Variants in NAV3 observed in about 807,000 individuals in gnomAD.
The protein encoded by NAV3 is pore membrane and/or filament interacting like protein 1.
In NAV3, 87 loss-of-function variants were observed where a neutral mutation model predicts 244.7. The observed-to-expected ratio is 0.36, with a 90% CI of 0.30 to 0.42. NAV3 has a LOEUF of 0.42. Among genes scored for constraint, NAV3 ranks in the 20% least tolerant of loss-of-function variants. NAV3 has a pLI of 1.00. For missense variants in NAV3, 2,663 were observed against 2,893.3 expected (o/e 0.92, Z 1.83); for synonymous variants, 1,126 against 1,042.2 (o/e 1.08, Z -1.55).
At chr12:77,769,802 T>A (rs969228852) in intron 2 of NAV3, among the ~76,000 whole-genome samples, 1 of 152,188 alleles carries the variant, frequency 6.6e-6, no homozygotes, top group Non-Finnish European at 1.5e-5. Context: ...AGATCCTGTA[T>A]TGATATCTTT....
At chr12:77,891,402 T>C (rs1883923056) in intron 1 of NAV3, among the ~76,000 whole-genome samples, 1 of 151,892 alleles carries the variant, frequency 6.6e-6, no homozygotes, top group Non-Finnish European at 1.5e-5. Context: ...ATCTTTTTCA[T>C]ATTATGTTGA....
intron 24 of NAV3, among the ~76,000 whole-genome samples, chr12:78,173,276 T>C (rs2595029): frequency 0.049 from 7,403 of 151,670 alleles, 194 homozygotes; most frequent in Non-Finnish European, 0.071. Flanking sequence ...TCTTTATTGG[T>C]GAATGCAGTC....
intron 2 of NAV3, among the ~76,000 whole-genome samples, chr12:77,798,398 A>G (rs1446733465): frequency 6.6e-6 from 1 of 152,182 alleles, no homozygotes; most frequent in Non-Finnish European, 1.5e-5. Flanking sequence ...AATTTAATAT[A>G]ATTTTACACT....
chr12:77,931,259 C>T lies in NAV3; in HGVS notation c.244-9060C>T, dbSNP rs534441598. On this transcript the variant is annotated intron_variant, in intron 1 of 39. Transcript: ENST00000397909. The stretch of plus-strand genomic sequence containing the variant: ...AAAAGTCAATCATATTTTTAATTTA[C>T]AAAACTTCTACTTAATCCCTAGATC... Among the ~76,000 whole-genome samples, 15 of 152,138 alleles carry T rather than the reference C, an allele frequency of 9.9e-5. No individual in the cohort carries two copies. In the South Asian group the frequency reaches 2.9e-3, roughly 29 times the overall value.
At chr12:78,172,857 G>A (rs1958061844) in intron 24 of NAV3, among the ~76,000 whole-genome samples, 1 of 151,628 alleles carries the variant, frequency 6.6e-6, no homozygotes, top group Admixed American at 6.6e-5. Context: ...TCTTATTAAA[G>A]TGAGAAGTTA....
Position 78,050,808 on chromosome 12 carries a change from A to G in NAV3, c.2177A>G (p.Asn726Ser). 2 of 1,610,292 alleles carry G rather than the reference A, an allele frequency of 1.2e-6. No individual in the cohort carries two copies. Among genetic ancestry groups the G allele is most frequent in the African/African-American group, 1.3e-5 (1 of 74,904 alleles). ...GACAGCACTGTGACAACAGAAGTTA[A>G]TGGAAGGACCATACCCAACTTGACA... is the stretch of plus-strand genomic sequence containing the variant. Reference protein sequence around the residue: ...TFDSTVTTEVNGRTIPNLTSR... With the variant: ...TFDSTVTTEVSGRTIPNLTSR... The change falls in exon 11 of 40, where the codon AAT becomes AGT. Residue 726 changes from asparagine (N) to serine (S), a missense_variant. This residue lies in a region of NAV3 where 1,521 missense variants were observed against 1,497.0 expected (regional missense o/e 1.02). Transcript: ENST00000397909.
chr12:78,083,533 A>G (rs1953469413), intron 12 of NAV3, among the ~76,000 whole-genome samples: 2 of 152,070 alleles, frequency 1.3e-5, no homozygotes, highest in African/African-American at 4.8e-5. Flanking sequence ...TGTTATTTTA[A>G]TTTACTGTGA....
intron 2 of NAV3, among the ~76,000 whole-genome samples, chr12:77,779,811 G>A (rs944894792): frequency 6.6e-5 from 10 of 152,078 alleles, no homozygotes; most frequent in Non-Finnish European, 1.5e-4. Flanking sequence ...GAGAGGCCTG[G>A]GTTGTCAGTG....
chr12:77,987,350 A>G (rs1287579785), intron 5 of NAV3, among the ~76,000 whole-genome samples: 1 of 152,220 alleles, frequency 6.6e-6, no homozygotes, highest in East Asian at 1.9e-4. Flanking sequence ...TAAAATGCAC[A>G]TGAGTTAACA....
chr12:77,607,611 G>T (rs1178623811), intron 2 of NAV3, among the ~76,000 whole-genome samples: 1 of 151,992 alleles, frequency 6.6e-6, no homozygotes, highest in African/African-American at 2.4e-5. Flanking sequence ...ATGGTGGGGT[G>T]GTGCTGATTG....
intron 36 of NAV3, 129 bp downstream of exon 36, chr12:78,198,805 T>A: frequency 1.5e-6 from 1 of 671,028 alleles, no homozygotes; most frequent in Non-Finnish European, 2.6e-6. Context: ...CTTTGACAAA[T>A]CTTGCCAGAG....
In NAV3 at chr12:77,852,611, C is replaced by T. The variant is rs1398872852; in HGVS notation, c.243+20907C>T. The stretch of plus-strand genomic sequence containing the variant: ...CTTATGAAGAATAACAAAACATATG[C>T]ATTATAAGTTTGTGAAAACGGCCTA... On this transcript the variant is annotated intron_variant, in intron 1 of 39. Transcript: ENST00000397909. Among the ~76,000 whole-genome samples the T allele has an allele frequency of 9.2e-5, 14 of 151,806 alleles. 1 individual carries two copies. The highest frequency in any genetic ancestry group is 9.2e-4 in the Admixed American group (14 of 15,234).
intron 2 of NAV3, among the ~76,000 whole-genome samples, chr12:77,594,598 T>C (rs932043107): frequency 1.3e-5 from 2 of 152,126 alleles, no homozygotes; most frequent in African/African-American, 4.8e-5. Context: ...ATAAAACACA[T>C]AGATGACAAC....
chr12:77,842,131 G>C (rs144724138), intron 1 of NAV3, among the ~76,000 whole-genome samples: 1 of 152,052 alleles, frequency 6.6e-6, no homozygotes, highest in Non-Finnish European at 1.5e-5. Context: ...AGAATTACAG[G>C]GATATATCTT....
chr12:77,877,505 A>C (rs1019042723), intron 1 of NAV3, among the ~76,000 whole-genome samples: 4 of 152,186 alleles, frequency 2.6e-5, no homozygotes, highest in Non-Finnish European at 5.9e-5. Flanking sequence ...GATATAAAAA[A>C]GTAGGTTTAT....
At chr12:77,591,588 A>G (rs1869905521) in intron 2 of NAV3, among the ~76,000 whole-genome samples, 1 of 152,208 alleles carries the variant, frequency 6.6e-6, no homozygotes, top group Non-Finnish European at 1.5e-5. Context: ...ACCTGGAAAC[A>G]TTATCCATAA....
At chr12:78,021,197 CAG>C (rs1478182082) in intron 8 of NAV3, among the ~76,000 whole-genome samples, 1 of 152,034 alleles carries the variant, frequency 6.6e-6, no homozygotes, top group African/African-American at 2.4e-5. Flanking sequence ...AAATGTGAAA[CAG>C]ATGATATGAA....
At chr12:77,842,494 A>G (rs899639701) in intron 1 of NAV3, among the ~76,000 whole-genome samples, 2 of 151,390 alleles carry the variant, frequency 1.3e-5, no homozygotes, top group East Asian at 3.9e-4. Context: ...TACGATCTGA[A>G]TTGTAGAAGA....
At chr12:77,691,329 G>GTATATATACATA (rs1350161105) in intron 2 of NAV3, among the ~76,000 whole-genome samples, 1 of 66,690 alleles carries the variant, frequency 1.5e-5, no homozygotes, top group African/African-American at 5.4e-5. Flanking sequence ...AAGTATTTGT[G>GTATATATACATA]TATGTGTGTA....
Sources: gnomAD v4.1 joint callset for allele counts (sites outside exome capture counted in the v4.1 genomes callset) on GRCh38, gnomAD v4.1.1 for gene constraint, gnomAD v4.1.1 regional missense constraint, MANE v1.5 for transcripts, NCBI Gene and HGNC (gene_info 2026-07-23, HGNC 2026-07-21) for gene names.